DPY19L4: variants seen among roughly 807,000 people sequenced by gnomAD.
DPY19L4 encodes probable C-mannosyltransferase DPY19L4.
Under a neutral mutation model 102.8 loss-of-function variants are expected in DPY19L4, and 97 were observed. The ratio of observed to expected loss-of-function variants is 0.94; its 90% CI spans 0.80 to 1.12. The LOEUF is 1.12. DPY19L4 is among the 50% of genes most tolerant of loss of function. The pLI is 0.00. For synonymous variants in DPY19L4, 252 were observed against 283.1 expected, an observed-to-expected ratio of 0.89 and a Z score of 1.10; for missense variants, 815 against 850.4, an observed-to-expected ratio of 0.96 and a Z score of 0.52.
Position 94,768,525 on chromosome 8 carries a change from A to G in DPY19L4, c.1306A>G (p.Met436Val), listed in dbSNP as rs764657457. 6.5e-7 allele frequency: 1 copy of G among 1,548,180 alleles called. No homozygotes were observed. Among genetic ancestry groups the G allele is most frequent in the South Asian group, 1.2e-5 (1 of 84,900 alleles). The change falls in exon 12 of 19, where the codon ATG (methionine) becomes GTG (valine). Residue 436 changes from methionine to valine, a missense_variant. Transcript: ENST00000414645. ...ILVLIICFLS[M>V]LQVIFRRING... ...AGTGTTAATTATTTGTTTTCTTTCT[A>G]TGTTGCAAGTTATTTTTAGGAGGAT... is the stretch of plus-strand genomic sequence containing the variant.
intron 13 of DPY19L4, among the ~76,000 whole-genome samples, chr8:94,776,234 G>A (rs748545906): frequency 8.6e-5 from 13 of 151,508 alleles, no homozygotes; most frequent in African/African-American, 1.5e-4. Context: ...GGGTTTCACC[G>A]TGTTGCCCAG....
chr8:94,765,033 T>C, intron 8 of DPY19L4, 150 bp from the exon 9 acceptor site: 1 of 657,260 alleles, frequency 1.5e-6, no homozygotes, highest in South Asian at 2.7e-5. Flanking sequence ...CGGCCAACAT[T>C]AAAAATATTG....
At chr8:94,739,823 CT>C (rs777988895) in intron 6 of DPY19L4, 33 bp downstream of exon 6, 8 of 1,607,426 alleles carry the variant, frequency 5.0e-6, no homozygotes, top group Non-Finnish European at 5.9e-6. Context: ...TTTTTAAAAA[CT>C]TTTTGTGGCT....
At chr8:94,769,922 C>A in intron 12 of DPY19L4, among the ~76,000 whole-genome samples, 1 of 139,606 alleles carries the variant, frequency 7.2e-6, no homozygotes. Context: ...GAGTCTTACT[C>A]TGTCACTCAG....
intron 14 of DPY19L4, 60 bp downstream of exon 14, chr8:94,777,846 G>A (rs770152137): frequency 8.0e-5 from 123 of 1,535,230 alleles, no homozygotes; most frequent in Non-Finnish European, 1.1e-4. Context: ...GCTAATAAAT[G>A]GAAACTACAT....
intron 7 of DPY19L4, among the ~76,000 whole-genome samples, chr8:94,759,746 G>A (rs147543300): frequency 0.028 from 4,229 of 151,894 alleles, 188 homozygotes; most frequent in African/African-American, 0.095. Context: ...CAGGTGATCC[G>A]CCCGCTTCAG....
intron 13 of DPY19L4, among the ~76,000 whole-genome samples, chr8:94,774,828 C>T (rs1040472582): frequency 2.6e-5 from 4 of 152,074 alleles, no homozygotes; most frequent in East Asian, 1.9e-4. Flanking sequence ...CTGCCCGCCT[C>T]GGCCCCCCAA....
chr8:94,731,138 C>A (rs985893201), intron 2 of DPY19L4, among the ~76,000 whole-genome samples: 4 of 150,578 alleles, frequency 2.7e-5, no homozygotes, highest in Non-Finnish European at 4.4e-5. Flanking sequence ...ATAATAGTTC[C>A]TGATAAGTAG....
At chr8:94,738,755 G>T (rs1184903430) in intron 4 of DPY19L4, among the ~76,000 whole-genome samples, 1 of 151,736 alleles carries the variant, frequency 6.6e-6, no homozygotes, top group Admixed American at 6.6e-5. Flanking sequence ...CTCATGATCT[G>T]CCCGCCTCAG....
At chr8:94,725,675 G>A (rs993972627) in intron 1 of DPY19L4, among the ~76,000 whole-genome samples, 3 of 151,952 alleles carry the variant, frequency 2.0e-5, no homozygotes, top group East Asian at 1.9e-4. Context: ...TCGCTCTGTC[G>A]CCCAGGCTGG....
At chr8:94,758,077 C>CT (rs1812241257) in intron 7 of DPY19L4, among the ~76,000 whole-genome samples, 1 of 152,036 alleles carries the variant, frequency 6.6e-6, no homozygotes, top group Non-Finnish European at 1.5e-5. Flanking sequence ...CACCACTGCA[C>CT]TCCAGCCTGA....
At chr8:94,734,810 T>A in intron 3 of DPY19L4, 56 bp downstream of exon 3, 1 of 1,607,038 alleles carries the variant, frequency 6.2e-7, no homozygotes, top group Non-Finnish European at 8.5e-7. Flanking sequence ...AACCAGAATG[T>A]ATGTATGATA....
intron 10 of DPY19L4, among the ~76,000 whole-genome samples, chr8:94,766,131 A>G (rs1812661371): frequency 1.3e-5 from 2 of 152,202 alleles, no homozygotes; most frequent in East Asian, 1.9e-4. Context: ...GCCTGGTGGG[A>G]TAAGGTTGAA....
In DPY19L4 at chr8:94,770,591, T is replaced by TC; in HGVS notation, c.1454+23dup. ...AGAAGGGTAAGTGTACTTTATTTGA[T>TC]CCCTTTGTTTTAACAAAGATTGTTG... is the stretch of plus-strand genomic sequence containing the variant. On this transcript the variant is annotated intron_variant, in intron 13 of 18. Coordinates refer to ENST00000414645, the MANE Select transcript of DPY19L4 (RefSeq NM_181787.3). 6.2e-7 allele frequency: 1 copy of TC among 1,612,234 alleles called. No individual in the cohort carries two copies. Among genetic ancestry groups the TC allele is most frequent in the East Asian group, 2.2e-5 (1 of 44,754 alleles).
chr8:94,754,084 T>A (rs1311103777), intron 6 of DPY19L4, among the ~76,000 whole-genome samples: 1 of 151,968 alleles, frequency 6.6e-6, no homozygotes, highest in Non-Finnish European at 1.5e-5. Flanking sequence ...TTGGGGATAC[T>A]GAGGTGGGAG....
chr8:94,742,336 C>A (rs553236323), intron 6 of DPY19L4, among the ~76,000 whole-genome samples: 1 of 151,396 alleles, frequency 6.6e-6, no homozygotes, highest in African/African-American at 2.4e-5. Flanking sequence ...CCAGCCTGGG[C>A]GACAGAGCGA....
intron 2 of DPY19L4, among the ~76,000 whole-genome samples, chr8:94,729,636 A>G (rs1008972192): frequency 6.8e-6 from 1 of 147,286 alleles, no homozygotes; most frequent in Non-Finnish European, 1.5e-5. Context: ...AGCCTAGGCA[A>G]TACAGTGAGA....
chr8:94,788,650 CG>C (rs1813763986), intron 18 of DPY19L4, among the ~76,000 whole-genome samples: 4 of 150,560 alleles, frequency 2.7e-5, no homozygotes, highest in African/African-American at 7.3e-5. Flanking sequence ...CACGCGCGCG[CG>C]CATGTGTCTT....
chr8:94,786,942 A>G (rs1813680919), intron 17 of DPY19L4, among the ~76,000 whole-genome samples: 1 of 152,136 alleles, frequency 6.6e-6, no homozygotes, highest in Admixed American at 6.6e-5. Flanking sequence ...ACCTGGGAGA[A>G]TTGTTCCCCG....
Sources: allele counts gnomAD v4.1 joint callset (sites outside exome capture counted in the v4.1 genomes callset), GRCh38; gene constraint gnomAD v4.1.1; transcripts MANE v1.5; gene names NCBI Gene and HGNC (gene_info 2026-07-23, HGNC 2026-07-21).